TMEM233: variants seen among roughly 807,000 people sequenced by gnomAD.
TMEM233 encodes the protein transmembrane protein 233, also known as dispanin subfamily B member 2.
A neutral mutation model predicts 11.2 loss-of-function variants in TMEM233; 6 were observed. The observed-to-expected ratio is 0.54, with a 90% CI of 0.29 to 1.06. The LOEUF is 1.06. TMEM233 is among the 50% of genes least tolerant of loss of function. The pLI is 0.08. For missense variants in TMEM233, 127 were observed against 144.7 expected (o/e 0.88, Z 0.63); for synonymous variants, 59 against 55.8 (o/e 1.06, Z -0.26).
the TMEM233 span, among the ~76,000 whole-genome samples, chr12:119,648,381 T>C: frequency 5.3e-5 from 8 of 152,368 alleles, no homozygotes; most frequent in South Asian, 1.2e-3. Context: ...CCATGGCAGA[T>C]ACTCTATAGC....
intron 1 of TMEM233, among the ~76,000 whole-genome samples, chr12:119,607,553 A>G (rs547352758): frequency 1.1e-4 from 17 of 152,272 alleles, no homozygotes; most frequent in African/African-American, 3.9e-4. Context: ...GCATTTTTCT[A>G]AAGATAAAAA....
At chr12:119,621,767 A>C (rs1954649585) in intron 1 of TMEM233, among the ~76,000 whole-genome samples, 1 of 152,238 alleles carries the variant, frequency 6.6e-6, no homozygotes, top group South Asian at 2.1e-4. Context: ...TTATTTTGTC[A>C]AAGAAAGACT....
downstream of TMEM233, among the ~76,000 whole-genome samples, chr12:119,644,147 TA>T (rs992655199): frequency 6.6e-5 from 10 of 152,156 alleles, no homozygotes; most frequent in African/African-American, 1.9e-4. Context: ...TACCAGTCAT[TA>T]ACAAACAGGT....
At chr12:119,607,559 A>G (rs999502803) in intron 1 of TMEM233, among the ~76,000 whole-genome samples, 1 of 152,130 alleles carries the variant, frequency 6.6e-6, no homozygotes, top group South Asian at 2.1e-4. Context: ...TTCTAAAGAT[A>G]AAAAGGAATT....
intron 1 of TMEM233, among the ~76,000 whole-genome samples, chr12:119,619,007 G>A (rs1015541266): frequency 3.9e-5 from 6 of 152,130 alleles, no homozygotes; most frequent in Non-Finnish European, 8.8e-5. Flanking sequence ...ACATGTCATG[G>A]GAGGGACCTG....
chr12:119,604,562 G>T (rs1322025806), intron 1 of TMEM233, among the ~76,000 whole-genome samples: 2 of 152,092 alleles, frequency 1.3e-5, no homozygotes, highest in East Asian at 3.9e-4. Context: ...TAACATTCTT[G>T]CATTGTAGAC....
At chr12:119,613,788 G>C (rs551333813) in intron 1 of TMEM233, among the ~76,000 whole-genome samples, 49 of 152,186 alleles carry the variant, frequency 3.2e-4, no homozygotes, top group African/African-American at 1.1e-3. Context: ...GGGCAACAGA[G>C]TAAAACCTTG....
chr12:119,651,898 G>GA, the TMEM233 span, among the ~76,000 whole-genome samples: 1 of 145,506 alleles, frequency 6.9e-6, no homozygotes, highest in African/African-American at 2.5e-5. Context: ...TCTAATAAAT[G>GA]AAAATTTCTG....
chr12:119,644,646 T>G (rs1405421849), downstream of TMEM233, among the ~76,000 whole-genome samples: 1 of 151,880 alleles, frequency 6.6e-6, no homozygotes, highest in African/African-American at 2.4e-5. Flanking sequence ...CCTGGCTAAT[T>G]TTTTGTATTT....
intron 1 of TMEM233, among the ~76,000 whole-genome samples, chr12:119,599,405 T>C (rs1312014074): frequency 6.6e-6 from 1 of 151,396 alleles, no homozygotes; most frequent in Non-Finnish European, 1.5e-5. Flanking sequence ...ACCCCGTAAA[T>C]GTATACACTT....
Position 119,620,754 on chromosome 12 carries a change from G to A in TMEM233, c.187-8982G>A, listed in dbSNP as rs142130567. ...CAATATAACTCATTATTTTAATCAC[G>A]AAGGGGGAAAGGAAACAAGAATAAG... On this transcript the variant is annotated intron_variant, in intron 1 of 2. Coordinates refer to ENST00000426426, the MANE Select transcript of TMEM233 (RefSeq NM_001136534.3). Among the ~76,000 whole-genome samples, 1,010 of 152,292 alleles carry A rather than the reference G, an allele frequency of 6.6e-3. 13 individuals carry two copies. Among genetic ancestry groups the A allele is most frequent in the African/African-American group, 0.023 (962 of 41,558 alleles).
chr12:119,616,800 T>C (rs1249022284), intron 1 of TMEM233, among the ~76,000 whole-genome samples: 1 of 152,168 alleles, frequency 6.6e-6, no homozygotes, highest in Middle Eastern at 3.2e-3. Flanking sequence ...GTTCTTGTGA[T>C]AGTGGGTGAG....
intron 1 of TMEM233, among the ~76,000 whole-genome samples, chr12:119,600,206 A>C (rs1489657723): frequency 6.6e-6 from 1 of 152,132 alleles, no homozygotes; most frequent in East Asian, 1.9e-4. Context: ...AAAAAAAAAA[A>C]AATGAAGTAT....
At chr12:119,653,391 CAAAAA>C in the TMEM233 span, among the ~76,000 whole-genome samples, 3 of 81,416 alleles carry the variant, frequency 3.7e-5, no homozygotes, top group South Asian at 4.8e-4. Flanking sequence ...GACGCCACCT[CAAAAA>C]AAAAAAAAAA....
chr12:119,633,855 A>G (rs11064861), intron 2 of TMEM233, among the ~76,000 whole-genome samples: 2 of 151,980 alleles, frequency 1.3e-5, no homozygotes, highest in East Asian at 1.9e-4. Flanking sequence ...TTTAGACTCC[A>G]TAAGAGTTAC....
chr12:119,626,579 GAGAAGAGA>G (rs1169641254), intron 1 of TMEM233, among the ~76,000 whole-genome samples: 8 of 136,512 alleles, frequency 5.9e-5, no homozygotes, highest in Non-Finnish European at 1.1e-4. Flanking sequence ...GAGAAGAGAA[GAGAAGAGA>G]AGAGAAGAGA....
At chr12:119,652,042 A>G in the TMEM233 span, among the ~76,000 whole-genome samples, 1 of 152,212 alleles carries the variant, frequency 6.6e-6, no homozygotes, top group African/African-American at 2.4e-5. Context: ...TTAAAAATTA[A>G]TAATGCTTAG....
intron 1 of TMEM233, among the ~76,000 whole-genome samples, chr12:119,610,321 T>A (rs1203593101): frequency 6.6e-6 from 1 of 152,218 alleles, no homozygotes; most frequent in Non-Finnish European, 1.5e-5. Flanking sequence ...GGGACTTGCC[T>A]TGTCTTCAAT....
intron 1 of TMEM233, among the ~76,000 whole-genome samples, chr12:119,604,105 C>G (rs770619522): frequency 6.6e-6 from 1 of 152,226 alleles, no homozygotes; most frequent in Non-Finnish European, 1.5e-5. Flanking sequence ...GCAGGACACT[C>G]TTCAGCTCAA....
Sources: allele counts gnomAD v4.1 joint callset (sites outside exome capture counted in the v4.1 genomes callset), GRCh38; gene constraint gnomAD v4.1.1; transcripts MANE v1.5; gene names NCBI Gene and HGNC (gene_info 2026-07-23, HGNC 2026-07-21).